Variants in LACTB2 observed in about 807,000 individuals in gnomAD.
The protein encoded by LACTB2 is lactamase beta 2, also known as endoribonuclease LACTB2.
In LACTB2, 32 loss-of-function variants were observed where a neutral mutation model predicts 34.8. That is an observed-to-expected ratio of 0.92 (90% CI 0.69 to 1.24). The LOEUF is 1.24. Among genes scored for constraint, LACTB2 ranks in the 50% most tolerant of loss-of-function variants. The pLI is 0.00. For missense variants in LACTB2, 320 were observed against 345.0 expected, an observed-to-expected ratio of 0.93 and a Z score of 0.57; for synonymous variants, 120 against 117.5, an observed-to-expected ratio of 1.02 and a Z score of -0.14.
intron 5 of LACTB2, among the ~76,000 whole-genome samples, chr8:70,639,353 T>A (rs1208001530): frequency 1.3e-5 from 2 of 151,488 alleles, no homozygotes; most frequent in African/African-American, 2.4e-5. Flanking sequence ...AGAGATGGGG[T>A]TTCACCATGT....
chr8:70,638,152 A>G lies in LACTB2; in HGVS notation c.824-249T>C, dbSNP rs571091341. Among the ~76,000 whole-genome samples, 4 of 152,372 alleles carry G rather than the reference A, an allele frequency of 2.6e-5. No individual in the cohort carries two copies. The South Asian group carries it at 8.3e-4, about 32-fold the overall frequency. ...TAGTTTGACAAACTAACACTAGAAA[A>G]TAATTACATAATTACTGCTTTGACA... On this transcript the variant is annotated intron_variant, in intron 6 of 6. Coordinates refer to ENST00000276590, the MANE Select transcript of LACTB2 (RefSeq NM_016027.3).
chr8:70,642,451 C>T (rs938646221), intron 4 of LACTB2, among the ~76,000 whole-genome samples: 3 of 151,748 alleles, frequency 2.0e-5, no homozygotes, highest in Admixed American at 6.6e-5. Context: ...AGTTAAGTGA[C>T]CTAGTCCCTT....
chr8:70,657,946 A>G (rs1227801822), intron 2 of LACTB2, 64 bp from the exon 3 acceptor site: 2 of 1,069,344 alleles, frequency 1.9e-6, no homozygotes, highest in Non-Finnish European at 2.6e-6. Context: ...TAAGAGATCA[A>G]CTTTCATAGA....
At chr8:70,649,744 C>A (rs1268813431) in intron 3 of LACTB2, among the ~76,000 whole-genome samples, 1 of 152,044 alleles carries the variant, frequency 6.6e-6, no homozygotes, top group Non-Finnish European at 1.5e-5. Context: ...CTGTTACTGC[C>A]CCACTGTTTA....
At chr8:70,649,011 C>A (rs1409656037) in intron 3 of LACTB2, among the ~76,000 whole-genome samples, 3 of 152,126 alleles carry the variant, frequency 2.0e-5, no homozygotes, top group East Asian at 3.8e-4. Context: ...GGAAATGAAA[C>A]CTTGCAGACA....
At position 70,661,754 on chromosome 8, in the gene LACTB2, A is replaced by C; in HGVS notation, c.266T>G (p.Ile89Ser). The change falls in exon 2 of 7, where the codon ATT becomes AGT. Residue 89 changes from isoleucine (I) to serine (S), a missense_variant. By Grantham distance (142) the Ile-to-Ser change is moderately radical. Coordinates refer to ENST00000276590, the MANE Select transcript of LACTB2 (RefSeq NM_016027.3). ...TTTACCATTATTGATGCTTTTACAA[A>C]TATCTCCTATGCCTCCAGAATGATC... ...HRDHSGGIGD[I>S]CKSINNDTTY... is the part of the protein sequence containing the mutation. The C allele has an allele frequency of 6.2e-7, 1 of 1,609,416 alleles. No homozygotes were observed. Among genetic ancestry groups the C allele is most frequent in the East Asian group, 2.2e-5 (1 of 44,806 alleles).
intron 4 of LACTB2, among the ~76,000 whole-genome samples, chr8:70,643,208 C>CTTTTTTTTTTTTTTTTTTTTTTTTTTT (rs66482767): frequency 1.3e-5 from 1 of 76,194 alleles, no homozygotes; most frequent in African/African-American, 4.5e-5. Context: ...GTGTATTTTC[C>CTTTTTTTTTTTTTTTTTTTTTTTTTTT]TTTTTTTTTT....
At chr8:70,665,366 T>A (rs980514269) in intron 1 of LACTB2, among the ~76,000 whole-genome samples, 5 of 152,150 alleles carry the variant, frequency 3.3e-5, no homozygotes, top group Non-Finnish European at 4.4e-5. Context: ...GAGAAAAAAA[T>A]TTTTAATTGA....
intron 1 of LACTB2, among the ~76,000 whole-genome samples, chr8:70,663,470 G>C (rs1818503714): frequency 6.6e-6 from 1 of 152,174 alleles, no homozygotes. Flanking sequence ...GTGTTGAACT[G>C]TCCTATCCGG....
intron 3 of LACTB2, among the ~76,000 whole-genome samples, chr8:70,645,108 A>G (rs1367142550): frequency 1.3e-5 from 2 of 151,682 alleles, no homozygotes; most frequent in Non-Finnish European, 2.9e-5. Flanking sequence ...ATGTTTATTT[A>G]TTTTTGAGAT....
intron 3 of LACTB2, chr8:70,651,668 C>G (rs1452441948): frequency 7.4e-6 from 1 of 134,522 alleles, no homozygotes. Context: ...GATATAAACA[C>G]AGAAAACAAT....
chr8:70,654,047 G>A (rs1053513734), intron 3 of LACTB2: 3 of 152,158 alleles, frequency 2.0e-5, no homozygotes, highest in Non-Finnish European at 4.4e-5. Context: ...TGAACTTAAG[G>A]AGCTGACTGC....
At chr8:70,662,017 C>CA (rs34366049) in intron 1 of LACTB2, 120 bp from the exon 2 acceptor site, 1 of 773,944 alleles carries the variant, frequency 1.3e-6, no homozygotes, top group Non-Finnish European at 2.0e-6. Context: ...TTAACATGCA[C>CA]AAAAACCAGC....
intron 6 of LACTB2, 133 bp downstream of exon 6, chr8:70,638,415 G>A (rs1045286009): frequency 2.6e-5 from 25 of 972,734 alleles, no homozygotes; most frequent in African/African-American, 3.5e-5. Context: ...CCTTCCTAGC[G>A]CCTGTCTCTC....
In LACTB2 at chr8:70,638,680, A is replaced by G. The variant is rs1204290512; in HGVS notation, c.742-51T>C. 6.9e-6 allele frequency: 9 copies of G among 1,313,050 alleles called. No individual in the cohort carries two copies. In the African/African-American group the frequency reaches 1.4e-4, roughly 21 times the overall value. The allele number at this position is 1,313,050 out of a possible 1,614,324, so 81.3% of individuals were successfully genotyped here. A position where few individuals can be genotyped will look rare whatever the true frequency, so the allele number is the denominator to read the frequency against. On this transcript the variant is annotated intron_variant, in intron 5 of 6. Coordinates refer to ENST00000276590, the MANE Select transcript of LACTB2 (RefSeq NM_016027.3). ...AATTCCTTTTTTTTTAAAAAAAAGAACACAGTTAATTTTTTGAAAGCTTTG... is the reference window on the plus strand; with the variant it reads ...AATTCCTTTTTTTTTAAAAAAAAGAGCACAGTTAATTTTTTGAAAGCTTTG...
intron 5 of LACTB2, 115 bp from the exon 6 acceptor site, chr8:70,638,744 ATTT>A (rs377700622): frequency 8.9e-4 from 563 of 634,718 alleles, no homozygotes; most frequent in South Asian, 2.0e-3. Flanking sequence ...TCTTAAACAC[ATTT>A]TTTTTTTTTT....
intron 3 of LACTB2, among the ~76,000 whole-genome samples, chr8:70,650,551 G>A (rs1224807892): frequency 6.6e-6 from 1 of 151,928 alleles, no homozygotes; most frequent in Non-Finnish European, 1.5e-5. Flanking sequence ...CCAACATGGC[G>A]AAACCCTGTC....
At chr8:70,647,990 T>A (rs1818284647) in intron 3 of LACTB2, among the ~76,000 whole-genome samples, 1 of 152,220 alleles carries the variant, frequency 6.6e-6, no homozygotes, top group African/African-American at 2.4e-5. Flanking sequence ...TAGATTCCTA[T>A]GCCTTCTTTC....
intron 5 of LACTB2, 50 bp downstream of exon 5, chr8:70,640,852 T>G: frequency 1.3e-6 from 2 of 1,485,206 alleles, no homozygotes; most frequent in Non-Finnish European, 1.8e-6. Flanking sequence ...ACTAAATAGA[T>G]AATTCTAATA....
Sources: gnomAD v4.1 joint callset for allele counts (sites outside exome capture counted in the v4.1 genomes callset) on GRCh38, gnomAD v4.1.1 for gene constraint, MANE v1.5 for transcripts, NCBI Gene and HGNC (gene_info 2026-07-23, HGNC 2026-07-21) for gene names.